The following MAGI3 variants were observed in gnomAD, a reference collection of about 807,000 sequenced individuals.
MAGI3 encodes membrane-associated guanylate kinase, WW and PDZ domain-containing protein 3.
A neutral mutation model predicts 121.8 loss-of-function variants in MAGI3; 43 were observed. The observed-to-expected ratio is 0.35, with a 90% CI of 0.28 to 0.46. MAGI3 has a LOEUF of 0.46. MAGI3 is among the 20% of genes least tolerant of loss of function. The pLI, the probability that MAGI3 is intolerant of heterozygous loss-of-function variation, is 1.00. For synonymous variants in MAGI3, 553 were observed against 639.3 expected (o/e 0.86, Z 2.04); for missense variants, 1,547 against 1,797.3 (o/e 0.86, Z 2.52).
intron 1 of MAGI3, among the ~76,000 whole-genome samples, chr1:113,405,223 A>G (rs1233256468): frequency 6.6e-6 from 1 of 152,030 alleles, no homozygotes; most frequent in Non-Finnish European, 1.5e-5. Context: ...CTCACGCCTG[A>G]AATCACTTTG....
At chr1:113,671,318 C>T (rs1647539115) in intron 16 of MAGI3, among the ~76,000 whole-genome samples, 1 of 151,986 alleles carries the variant, frequency 6.6e-6, no homozygotes, top group Non-Finnish European at 1.5e-5. Context: ...AGACTGGCCT[C>T]CGTGTTCCAG....
At chr1:113,609,430 C>G (rs1048622127) in intron 6 of MAGI3, among the ~76,000 whole-genome samples, 5 of 152,190 alleles carry the variant, frequency 3.3e-5, no homozygotes, top group Non-Finnish European at 7.3e-5. Context: ...TGTAAGGACA[C>G]AGCTTGAACA....
intron 1 of MAGI3, among the ~76,000 whole-genome samples, chr1:113,402,289 G>A (rs7515641): frequency 0.14 from 21,163 of 152,116 alleles, 2,007 homozygotes; most frequent in Non-Finnish European, 0.21. Flanking sequence ...TGGTATCCCC[G>A]AACCTGCAGC....
chr1:113,653,529 G>A (rs1653295996), intron 14 of MAGI3, among the ~76,000 whole-genome samples: 2 of 151,728 alleles, frequency 1.3e-5, no homozygotes, highest in Admixed American at 6.6e-5. Context: ...CCGAGATCGC[G>A]CCACTGCACT....
In MAGI3 at chr1:113,485,629, T is replaced by G. The variant is rs1036615308; in HGVS notation, c.317-63886T>G. On this transcript the variant is annotated intron_variant, in intron 1 of 20. Transcript: ENST00000307546. ...TCTGTGGGTTGTCAATTAACTCTGC[T>G]GATTATTTCTTTTGCTTCGCAGAAG... Among the ~76,000 whole-genome samples the G allele has an allele frequency of 2.6e-5, 4 of 152,368 alleles. No homozygotes were observed. In the East Asian group the frequency reaches 7.7e-4, roughly 29 times the overall value.
At chr1:113,576,087 C>A (rs774816961) in intron 2 of MAGI3, among the ~76,000 whole-genome samples, 23 of 152,204 alleles carry the variant, frequency 1.5e-4, no homozygotes, top group Non-Finnish European at 3.2e-4. Flanking sequence ...GCTGTGCTGG[C>A]ACTGAGAATT....
chr1:113,438,867 A>G (rs1390669036), intron 1 of MAGI3, among the ~76,000 whole-genome samples: 1 of 152,188 alleles, frequency 6.6e-6, no homozygotes, highest in East Asian at 1.9e-4. Flanking sequence ...CTTCTTCACA[A>G]TCTCACAGAT....
At chr1:113,451,499 G>A (rs772938186) in intron 1 of MAGI3, among the ~76,000 whole-genome samples, 4 of 152,110 alleles carry the variant, frequency 2.6e-5, no homozygotes, top group African/African-American at 9.7e-5. Context: ...TCTCATTTAT[G>A]GTACACCATA....
intron 1 of MAGI3, among the ~76,000 whole-genome samples, chr1:113,513,321 C>A (rs563300234): frequency 6.6e-6 from 1 of 152,278 alleles, no homozygotes; most frequent in African/African-American, 2.4e-5. Context: ...GTCGCCAAGT[C>A]AATCCTAAGC....
At chr1:113,530,608 A>G (rs1218799918) in intron 1 of MAGI3, among the ~76,000 whole-genome samples, 1 of 152,138 alleles carries the variant, frequency 6.6e-6, no homozygotes, top group Non-Finnish European at 1.5e-5. Context: ...AAGTTAAAAA[A>G]AAAAAAGACA....
At chr1:113,479,344 G>A (rs1229411506) in intron 1 of MAGI3, among the ~76,000 whole-genome samples, 1 of 152,154 alleles carries the variant, frequency 6.6e-6, no homozygotes. Flanking sequence ...CACGTTGGGA[G>A]CTGCAGACCA....
At chr1:113,595,019 C>G (rs1570915933) in intron 6 of MAGI3, among the ~76,000 whole-genome samples, 1 of 152,142 alleles carries the variant, frequency 6.6e-6, no homozygotes, top group East Asian at 1.9e-4. Flanking sequence ...CAAGGAAAGT[C>G]TTTAATATAG....
At chr1:113,632,170 G>T (rs918836193) in intron 9 of MAGI3, among the ~76,000 whole-genome samples, 20 of 152,246 alleles carry the variant, frequency 1.3e-4, no homozygotes, top group Non-Finnish European at 2.4e-4. Flanking sequence ...AGTTATACTT[G>T]TAAAGAAAAT....
At chr1:113,515,657 A>G (rs1305108567) in intron 1 of MAGI3, among the ~76,000 whole-genome samples, 1 of 152,156 alleles carries the variant, frequency 6.6e-6, no homozygotes, top group Non-Finnish European at 1.5e-5. Context: ...GCTGGTAAAT[A>G]CATGACAGAG....
chr1:113,561,941 A>G (rs111480170), intron 2 of MAGI3, among the ~76,000 whole-genome samples: 248 of 152,362 alleles, frequency 1.6e-3, no homozygotes, highest in African/African-American at 5.7e-3. Flanking sequence ...TCAATGTGCA[A>G]AAATTGCTAG....
At chr1:113,394,371 G>C (rs1400894959) in intron 1 of MAGI3, among the ~76,000 whole-genome samples, 1 of 152,124 alleles carries the variant, frequency 6.6e-6, no homozygotes, top group South Asian at 2.1e-4. Flanking sequence ...GGCTCGATTA[G>C]TTACTTGTTT....
chr1:113,467,464 C>T (rs1191329507), intron 1 of MAGI3, among the ~76,000 whole-genome samples: 1 of 151,992 alleles, frequency 6.6e-6, no homozygotes, highest in Non-Finnish European at 1.5e-5. Flanking sequence ...TGTAGTTTAA[C>T]TCTGATGTTT....
intron 6 of MAGI3, among the ~76,000 whole-genome samples, chr1:113,598,394 G>C (rs1322851588): frequency 1.3e-5 from 2 of 152,058 alleles, no homozygotes; most frequent in Non-Finnish European, 2.9e-5. Context: ...TGGCAGAATG[G>C]ATAAAAATTC....
At chr1:113,545,250 T>C (rs1409419918) in intron 1 of MAGI3, among the ~76,000 whole-genome samples, 4 of 152,126 alleles carry the variant, frequency 2.6e-5, no homozygotes, top group Admixed American at 1.3e-4. Flanking sequence ...AAATGAAATA[T>C]TGTGTTTAGA....
Sources: allele counts gnomAD v4.1 joint callset (sites outside exome capture counted in the v4.1 genomes callset), GRCh38; gene constraint gnomAD v4.1.1; transcripts MANE v1.5; gene names NCBI Gene and HGNC (gene_info 2026-07-23, HGNC 2026-07-21).